Variants in PEX7 observed in about 807,000 individuals in gnomAD.
PEX7 encodes the protein PTS2 receptor.
A neutral mutation model predicts 47.5 loss-of-function variants in PEX7; 34 were observed. The ratio of observed to expected loss-of-function variants is 0.72; its 90% CI spans 0.54 to 0.95. The LOEUF (loss-of-function observed/expected upper bound fraction) is 0.95, where lower values mean the gene tolerates loss of function less well. PEX7 is among the 40% of genes least tolerant of loss of function. The pLI is 0.00. For missense variants in PEX7, 394 were observed against 400.3 expected (o/e 0.98, Z 0.13); for synonymous variants, 141 against 148.8 (o/e 0.95, Z 0.38).
rs564098337 is a variant in PEX7 at position 136,893,950 on chromosome 6, T to C, written c.804-4192T>C. 3.3e-5 allele frequency among the ~76,000 whole-genome samples: 5 copies of C among 152,328 alleles called. No homozygotes were observed. In the South Asian group the frequency reaches 6.2e-4, roughly 19 times the overall value. On this transcript the variant is annotated intron_variant, in intron 8 of 9. Coordinates refer to ENST00000318471, the MANE Select transcript of PEX7 (RefSeq NM_000288.4). Reference sequence around the variant, plus strand: ...TGGCTAAATTTCAAAAGTGTTAGTATAGAGATTTCAAATTACATTTAGTTA... The same window carrying C: ...TGGCTAAATTTCAAAAGTGTTAGTACAGAGATTTCAAATTACATTTAGTTA...
chr6:136,865,532 C>G (rs2115213707), intron 5 of PEX7, among the ~76,000 whole-genome samples: 1 of 152,262 alleles, frequency 6.6e-6, no homozygotes, highest in Non-Finnish European at 1.5e-5. Context: ...CTCCTGACCA[C>G]AGGTGATCTG....
rs762238818 is a variant in PEX7, at chr6:136,869,982, C to A, written c.726C>A (p.Thr242=). Residue 242 remains threonine, a synonymous_variant, in exon 7 of 10, where the codon ACC becomes ACA. Coordinates refer to ENST00000318471, the MANE Select transcript of PEX7 (RefSeq NM_000288.4). ...RQPVFELLGH[T]YAIRRVKFSP... ...CAGTGTTTGAACTTCTTGGTCATAC[C>A]TATGCTATTAGGAGGGTGAAAGTAA... The A allele has an allele frequency of 6.2e-7, 1 of 1,609,982 alleles. No homozygotes were observed. The highest frequency in any genetic ancestry group is 8.5e-7 in the Non-Finnish European group (1 of 1,176,412).
At chr6:136,855,777 C>A in intron 5 of PEX7, 1 of 376,640 alleles carries the variant, frequency 2.7e-6, no homozygotes, top group Non-Finnish European at 5.2e-6. Context: ...TTCGTTTGCC[C>A]CACTGGAATG....
At chr6:136,825,983 TAAA>T (rs917922387) in intron 2 of PEX7, among the ~76,000 whole-genome samples, 2 of 152,090 alleles carry the variant, frequency 1.3e-5, no homozygotes, top group African/African-American at 4.8e-5. Flanking sequence ...TTCTCTCAAA[TAAA>T]AAACAAAACA....
At chr6:136,898,486 G>A (rs538963060) in intron 9 of PEX7, among the ~76,000 whole-genome samples, 1 of 152,276 alleles carries the variant, frequency 6.6e-6, no homozygotes, top group African/African-American at 2.4e-5. Context: ...CATTTTAAAG[G>A]CTTTCTCTAG....
chr6:136,913,188 G>C (rs767311512), intron 9 of PEX7, among the ~76,000 whole-genome samples: 20 of 152,294 alleles, frequency 1.3e-4, no homozygotes, highest in Non-Finnish European at 2.2e-4. Flanking sequence ...AAGTGAAGGT[G>C]GGGGACATTC....
intron 5 of PEX7, among the ~76,000 whole-genome samples, chr6:136,849,642 T>C (rs1046128006): frequency 1.3e-5 from 2 of 152,228 alleles, no homozygotes; most frequent in Non-Finnish European, 2.9e-5. Context: ...GGTTGTTCAG[T>C]GTCCATGTAG....
chr6:136,858,902 TA>T (rs1774909447), intron 5 of PEX7, among the ~76,000 whole-genome samples: 1 of 152,202 alleles, frequency 6.6e-6, no homozygotes, highest in South Asian at 2.1e-4. Flanking sequence ...TTATAAAACA[TA>T]ACATAATCTT....
At chr6:136,882,858 T>C (rs1775400674) in intron 8 of PEX7, among the ~76,000 whole-genome samples, 1 of 152,194 alleles carries the variant, frequency 6.6e-6, no homozygotes, top group African/African-American at 2.4e-5. Flanking sequence ...CTTTTTTACT[T>C]AGCCAAGCTT....
intron 8 of PEX7, among the ~76,000 whole-genome samples, chr6:136,893,199 T>C (rs1562755105): frequency 6.6e-6 from 1 of 152,190 alleles, no homozygotes; most frequent in Non-Finnish European, 1.5e-5. Flanking sequence ...TGGCTTTTTT[T>C]TTCTTTTTTT....
chr6:136,911,088 T>G (rs1775925654), intron 9 of PEX7, among the ~76,000 whole-genome samples: 1 of 152,196 alleles, frequency 6.6e-6, no homozygotes, highest in Non-Finnish European at 1.5e-5. Context: ...ATCCCAGTTA[T>G]TGGAAACTGG....
chr6:136,909,588 T>A (rs1775901040), intron 9 of PEX7, among the ~76,000 whole-genome samples: 1 of 152,230 alleles, frequency 6.6e-6, no homozygotes, highest in Non-Finnish European at 1.5e-5. Context: ...AGTAAAGTGC[T>A]TTTTTCTTAC....
chr6:136,823,022 A>T (rs749100766), intron 1 of PEX7: 3 of 985,426 alleles, frequency 3.0e-6, no homozygotes, highest in Non-Finnish European at 3.6e-6. Flanking sequence ...AAGTGCATAT[A>T]CGTGTAGCCT....
At chr6:136,893,115 A>G (rs1775585278) in intron 8 of PEX7, among the ~76,000 whole-genome samples, 1 of 152,332 alleles carries the variant, frequency 6.6e-6, no homozygotes, top group South Asian at 2.1e-4. Context: ...TCTAAATGAA[A>G]AATGTTTATT....
chr6:136,866,082 G>GAAAT (rs922605805), intron 5 of PEX7, among the ~76,000 whole-genome samples: 3 of 151,552 alleles, frequency 2.0e-5, no homozygotes, highest in East Asian at 1.9e-4. Flanking sequence ...ACTCTGTCTC[G>GAAAT]AAATAAATAA....
intron 5 of PEX7, among the ~76,000 whole-genome samples, chr6:136,857,639 A>G (rs951770333): frequency 6.6e-6 from 1 of 152,026 alleles, no homozygotes; most frequent in South Asian, 2.1e-4. Flanking sequence ...ATCAAGTTCT[A>G]CTTTCCTGCT....
chr6:136,830,488 G>A (rs1032965987), intron 3 of PEX7, among the ~76,000 whole-genome samples: 4 of 152,138 alleles, frequency 2.6e-5, no homozygotes, highest in African/African-American at 9.7e-5. Flanking sequence ...CTGTGTGAAT[G>A]GTTGCTAAAC....
At chr6:136,890,937 A>C (rs1385992522) in intron 8 of PEX7, among the ~76,000 whole-genome samples, 1 of 152,152 alleles carries the variant, frequency 6.6e-6, no homozygotes, top group Non-Finnish European at 1.5e-5. Flanking sequence ...TAGTGATACT[A>C]TTTCATGAGT....
chr6:136,903,445 G>A (rs555186468), intron 9 of PEX7, among the ~76,000 whole-genome samples: 1 of 151,176 alleles, frequency 6.6e-6, no homozygotes, highest in South Asian at 2.1e-4. Context: ...CAAAGTGCTG[G>A]CATTATAGGC....
Sources: gnomAD v4.1 joint callset for allele counts (sites outside exome capture counted in the v4.1 genomes callset) on GRCh38, gnomAD v4.1.1 for gene constraint, MANE v1.5 for transcripts, NCBI Gene and HGNC (gene_info 2026-07-23, HGNC 2026-07-21) for gene names.